WIPI1: variants seen among roughly 807,000 people sequenced by gnomAD.
The protein encoded by WIPI1 is WD repeat domain, phosphoinositide interacting 1.
Under a neutral mutation model 55.3 loss-of-function variants are expected in WIPI1, and 45 were observed. The observed-to-expected ratio is 0.81, with a 90% CI of 0.64 to 1.04. The LOEUF is 1.04. Among genes scored for constraint, WIPI1 ranks in the 50% least tolerant of loss-of-function variants. WIPI1 has a pLI of 0.00. For synonymous variants in WIPI1, 195 were observed against 217.6 expected, an observed-to-expected ratio of 0.90 and a Z score of 0.92; for missense variants, 445 against 559.0, an observed-to-expected ratio of 0.80 and a Z score of 2.06.
intron 2 of WIPI1, 125 bp from the exon 3 acceptor site, chr17:68,451,022 G>GC (rs1568651857): frequency 7.5e-7 from 1 of 1,327,016 alleles, no homozygotes; most frequent in Non-Finnish European, 1.0e-6. Context: ...CCGGCCAGGC[G>GC]CCCTCTCTGA....
Position 68,435,629 on chromosome 17 carries a change from C to T in WIPI1, c.612G>A (p.Ala204=), listed in dbSNP as rs147761920. ...GTGGGAGTGGACTCACTTTTTCAGA[C>T]GCACTTGCTAGTTTGGAGCCTGAGG... is the stretch of plus-strand genomic sequence containing the variant. ...FNASGSKLAS[A]SEKGTVIRVF... The change falls in exon 6 of 13, where the codon GCG becomes GCA. Residue 204 remains alanine, a synonymous_variant. Coordinates refer to ENST00000262139, the MANE Select transcript of WIPI1 (RefSeq NM_017983.7). The T allele has an allele frequency of 1.1e-4, 179 of 1,614,124 alleles. No individual in the cohort carries two copies. The highest frequency in any genetic ancestry group is 1.7e-4 in the Middle Eastern group (1 of 6,028).
At chr17:68,436,524 G>A (rs772158744) in intron 4 of WIPI1, 45 bp from the exon 5 acceptor site, 1 of 1,573,646 alleles carries the variant, frequency 6.4e-7, no homozygotes, top group South Asian at 1.1e-5. Context: ...GGCCAAGGGA[G>A]AGATTGCACG....
chr17:68,429,942 A>G (rs2083436134), intron 9 of WIPI1, 54 bp downstream of exon 9: 2 of 1,608,300 alleles, frequency 1.2e-6, no homozygotes, highest in Non-Finnish European at 1.7e-6. Context: ...GTGCTTTGGA[A>G]AAATACATTG....
chr17:68,442,506 G>A (rs998509342), intron 4 of WIPI1, among the ~76,000 whole-genome samples: 5 of 152,114 alleles, frequency 3.3e-5, no homozygotes, highest in Admixed American at 1.3e-4. Context: ...GTTTGCAAGG[G>A]AGGGTGCTCA....
chr17:68,457,379 A>G lies in WIPI1; in HGVS notation c.43T>C (p.Ser15Pro). 2 of 1,538,744 alleles carry G rather than the reference A, an allele frequency of 1.3e-6. No homozygotes were observed. Among genetic ancestry groups the G allele is most frequent in the Non-Finnish European group, 1.7e-6 (2 of 1,143,644 alleles). ...TTGAAAGAGAAGCAGCTGAGCGCCG[A>G]CTCAACCCCGCCCGGGGGAGCGTCC... ...AADAPPGGVE[S>P]ALSCFSFNQD... The change falls in exon 1 of 13, where the codon TCG (serine) becomes CCG (proline). Residue 15 changes from serine to proline, a missense_variant. By Grantham distance (74) the Ser-to-Pro change is moderately conservative. Coordinates refer to ENST00000262139, the MANE Select transcript of WIPI1 (RefSeq NM_017983.7).
chr17:68,446,336 A>G (rs998073165), intron 3 of WIPI1, among the ~76,000 whole-genome samples: 1 of 151,938 alleles, frequency 6.6e-6, no homozygotes, highest in Non-Finnish European at 1.5e-5. Flanking sequence ...GTGCGCCACC[A>G]TGCCTGGCTA....
chr17:68,426,234 CT>C, intron 11 of WIPI1, 59 bp from the exon 12 acceptor site: 1 of 705,818 alleles, frequency 1.4e-6, no homozygotes, highest in Non-Finnish European at 2.0e-6. Context: ...ATGCCATGAC[CT>C]GGCGGGTGGG....
chr17:68,444,367 T>C (rs1371028100), intron 4 of WIPI1, 126 bp downstream of exon 4: 2 of 810,492 alleles, frequency 2.5e-6, no homozygotes, highest in Non-Finnish European at 4.1e-6. Flanking sequence ...AGCTTCGAGA[T>C]AAACCTCACT....
At chr17:68,431,653 T>C (rs2083516618) in intron 8 of WIPI1, among the ~76,000 whole-genome samples, 1 of 152,070 alleles carries the variant, frequency 6.6e-6, no homozygotes, top group Non-Finnish European at 1.5e-5. Flanking sequence ...AATGTAAGAG[T>C]AACGGCTGGA....
chr17:68,444,512 A>T lies in WIPI1; in HGVS notation c.411T>A (p.Asp137Glu), dbSNP rs1196384259. Residue 137 changes from aspartate (D) to glutamate (E), a missense_variant, in exon 4 of 13, where the codon GAT (aspartate) becomes GAA (glutamate). Asp to Glu is a conservative substitution (Grantham distance 45, BLOSUM62 2). Coordinates refer to ENST00000262139, the MANE Select transcript of WIPI1 (RefSeq NM_017983.7). The part of the protein sequence containing the change: ...KDMKLLKTLL[D>E]IPANPTGLCA... ...GCTCACCTGTTGGGTTTGCAGGAAT[A>T]TCCAGGAGGGTCTTCAACAGCTTCA... is the stretch of plus-strand genomic sequence containing the variant. 6.2e-7 allele frequency: 1 copy of T among 1,613,940 alleles called. No individual in the cohort carries two copies. The highest frequency in any genetic ancestry group is 1.3e-5 in the African/African-American group (1 of 74,940).
chr17:68,434,519 C>A, intron 7 of WIPI1, 37 bp downstream of exon 7: 1 of 1,610,382 alleles, frequency 6.2e-7, no homozygotes, highest in Non-Finnish European at 8.5e-7. Flanking sequence ...GGGACTTCTG[C>A]GGGGACTTTA....
At chr17:68,429,079 C>T in intron 9 of WIPI1, 143 bp from the exon 10 acceptor site, 1 of 627,562 alleles carries the variant, frequency 1.6e-6, no homozygotes, top group Non-Finnish European at 2.8e-6. Flanking sequence ...GTCTGGGCTT[C>T]TGGCTATTCC....
intron 2 of WIPI1, 110 bp downstream of exon 2, chr17:68,452,800 G>A (rs2084544643): frequency 4.3e-6 from 4 of 926,428 alleles, no homozygotes; most frequent in Non-Finnish European, 6.5e-6. Context: ...CCCTAAGTTT[G>A]ATGGCTAAGG....
chr17:68,455,287 C>T (rs1020634968), intron 1 of WIPI1, among the ~76,000 whole-genome samples: 3 of 149,836 alleles, frequency 2.0e-5, no homozygotes, highest in African/African-American at 7.4e-5. Context: ...CGCTTGAACC[C>T]TGGGAGGCAG....
At chr17:68,454,340 C>T (rs544638019) in intron 1 of WIPI1, among the ~76,000 whole-genome samples, 1 of 152,338 alleles carries the variant, frequency 6.6e-6, no homozygotes, top group Non-Finnish European at 1.5e-5. Context: ...AAGCAACTTA[C>T]TATTACAAGC....
At chr17:68,452,849 A>C in intron 2 of WIPI1, 61 bp downstream of exon 2, 1 of 1,498,890 alleles carries the variant, frequency 6.7e-7, no homozygotes, top group Non-Finnish European at 9.2e-7. Context: ...CGCAGATTAA[A>C]GCCTAGAAGG....
intron 2 of WIPI1, among the ~76,000 whole-genome samples, chr17:68,452,629 CTG>C (rs1432021783): frequency 6.6e-6 from 1 of 152,188 alleles, no homozygotes. Context: ...AAATTAATGA[CTG>C]TGCATATAAG....
At position 68,450,681 on chromosome 17, in the gene WIPI1, C is replaced by A. The variant is rs376924977; in HGVS notation, c.333+47G>T. On this transcript the variant is annotated intron_variant, in intron 3 of 12. Coordinates refer to ENST00000262139, the MANE Select transcript of WIPI1 (RefSeq NM_017983.7). ...GAAAGATGTCCATCTTTTTGTTTGG[C>A]TCCCGTTAGCAGAAGCTTTGAAACC... 8 of 1,551,944 alleles carry A rather than the reference C, an allele frequency of 5.2e-6. No individual in the cohort carries two copies. The African/African-American group carries it at 1.1e-4, about 22-fold the overall frequency.
intron 11 of WIPI1, 61 bp from the exon 12 acceptor site, chr17:68,426,236 G>C: frequency 1.6e-6 from 2 of 1,228,378 alleles, no homozygotes; most frequent in Non-Finnish European, 2.3e-6. Context: ...GCCATGACCT[G>C]GCGGGTGGGG....
Sources: gnomAD v4.1 joint callset for allele counts (sites outside exome capture counted in the v4.1 genomes callset) on GRCh38, gnomAD v4.1.1 for gene constraint, MANE v1.5 for transcripts, NCBI Gene and HGNC (gene_info 2026-07-23, HGNC 2026-07-21) for gene names.